Variants in NUBP1 observed in about 807,000 individuals in gnomAD.
NUBP1 encodes the protein NUBP iron-sulfur cluster assembly factor 1, cytosolic, also known as cytosolic Fe-S cluster assembly factor NUBP1.
Under a neutral mutation model 41.8 loss-of-function variants are expected in NUBP1, and 46 were observed. That is an observed-to-expected ratio of 1.10 (90% CI 0.87 to 1.41). The LOEUF is 1.41. Among genes scored for constraint, NUBP1 ranks in the 40% most tolerant of loss-of-function variants. The pLI is 0.00. For missense variants in NUBP1, 494 were observed against 414.0 expected (o/e 1.19, Z -1.68); for synonymous variants, 189 against 154.6 (o/e 1.22, Z -1.65).
At chr16:10,756,852 C>A in intron 6 of NUBP1, 72 bp downstream of exon 6, 1 of 1,219,336 alleles carries the variant, frequency 8.2e-7, no homozygotes, top group South Asian at 1.4e-5. Context: ...TTATCTGCTC[C>A]CTGTCCTGCC....
At chr16:10,755,791 G>T (rs753961809) in intron 5 of NUBP1, 38 bp downstream of exon 5, 4 of 1,598,576 alleles carry the variant, frequency 2.5e-6, no homozygotes, top group Non-Finnish European at 3.4e-6. Flanking sequence ...TCACAGTAGT[G>T]TGTGGTTGTG....
chr16:10,752,665 T>C lies in NUBP1; in HGVS notation c.314T>C (p.Leu105Ser). The change falls in exon 4 of 11, where the codon TTG (leucine) becomes TCG (serine). Residue 105 changes from leucine (L) to serine (S), a missense_variant. By Grantham distance (145) the Leu-to-Ser change is moderately radical. Transcript: ENST00000283027. ...CGPSIPKIMGLEGEQVHQSGS... is the reference protein window; with the variant it reads ...CGPSIPKIMGSEGEQVHQSGS... ...CCATCGATTCCCAAGATAATGGGAT[T>C]GGAAGGAGAGCAGGTAATAGCCGGT... 6.2e-7 allele frequency: 1 copy of C among 1,613,812 alleles called. No homozygotes were observed. The highest frequency in any genetic ancestry group is 2.2e-5 in the East Asian group (1 of 44,878).
chr16:10,753,751 C>A (rs1006331200), intron 4 of NUBP1, among the ~76,000 whole-genome samples: 3 of 151,800 alleles, frequency 2.0e-5, no homozygotes, highest in African/African-American at 7.3e-5. Flanking sequence ...AAGGTGCCCT[C>A]ACTGAGGGAT....
At chr16:10,756,377 C>CA (rs200071189) in intron 5 of NUBP1, among the ~76,000 whole-genome samples, 1 of 144,800 alleles carries the variant, frequency 6.9e-6, no homozygotes, top group African/African-American at 2.7e-5. Flanking sequence ...GACTTCATCT[C>CA]AAAAAAATGA....
At chr16:10,758,142 G>A (rs1035174156) in intron 7 of NUBP1, 115 bp downstream of exon 7, 29 of 1,214,666 alleles carry the variant, frequency 2.4e-5, no homozygotes, top group South Asian at 5.6e-5. Context: ...TGTGTGTTCC[G>A]CAGCTGCATC....
At chr16:10,744,189 C>T (rs1053188923) in intron 2 of NUBP1, 124 bp downstream of exon 2, 1 of 896,184 alleles carries the variant, frequency 1.1e-6, no homozygotes, top group African/African-American at 1.8e-5. Flanking sequence ...GTATTGTATT[C>T]GGAGAGGGGT....
intron 9 of NUBP1, among the ~76,000 whole-genome samples, chr16:10,762,651 G>A (rs2030135781): frequency 6.6e-6 from 1 of 152,236 alleles, no homozygotes; most frequent in Non-Finnish European, 1.5e-5. Flanking sequence ...GAGAAGGCTG[G>A]AGGGGAGGCC....
In NUBP1 at chr16:10,767,727, G is replaced by C. The variant is rs1390693162; in HGVS notation, c.821-222G>C. Reference sequence around the variant, plus strand: ...TAGGGCCCTGGAACCTGCATTTTCTGTACACCACCTGATTATTTAGCCACG... The same window carrying C: ...TAGGGCCCTGGAACCTGCATTTTCTCTACACCACCTGATTATTTAGCCACG... On this transcript the variant is annotated intron_variant, in intron 9 of 10. Transcript: ENST00000283027. The surrounding 1 kb of genome is among the most constrained non-coding windows in gnomAD (Gnocchi z 4.6). 4 of 576,444 alleles carry C rather than the reference G, an allele frequency of 6.9e-6. No homozygotes were observed. The highest frequency in any genetic ancestry group is 2.1e-5 in the South Asian group (1 of 48,702). 35.7% of individuals were successfully genotyped at this position (576,444 alleles called of 1,614,324 possible).
intron 2 of NUBP1, among the ~76,000 whole-genome samples, chr16:10,745,392 T>C (rs577853929): frequency 6.6e-6 from 1 of 151,682 alleles, no homozygotes; most frequent in African/African-American, 2.4e-5. Flanking sequence ...GAGGTGGAGG[T>C]TGCAGTGAGC....
rs1900216802 is a variant in NUBP1, at chr16:10,749,422, G to A, written c.258+2146G>A. 6.6e-6 allele frequency among the ~76,000 whole-genome samples: 1 copy of A among 152,156 alleles called. No individual in the cohort carries two copies. Among genetic ancestry groups the A allele is most frequent in the South Asian group, 2.1e-4 (1 of 4,828 alleles). ...CTTCACTTTCATGTAATTACGTTCTGAAGTCTTTGCTGCATGCCTGTCTAG... is the reference window on the plus strand; with the variant it reads ...CTTCACTTTCATGTAATTACGTTCTAAAGTCTTTGCTGCATGCCTGTCTAG... On this transcript the variant is annotated intron_variant, in intron 3 of 10. Coordinates refer to ENST00000283027, the MANE Select transcript of NUBP1 (RefSeq NM_002484.4). This position sits in a 1 kb window ranked among gnomAD's most constrained non-coding sequence, Gnocchi z 4.1.
chr16:10,759,676 T>C lies in NUBP1; in HGVS notation c.606+1649T>C, dbSNP rs192983537. 6.6e-6 allele frequency among the ~76,000 whole-genome samples: 1 copy of C among 152,224 alleles called. No homozygotes were observed. Among genetic ancestry groups the C allele is most frequent in the East Asian group, 1.9e-4 (1 of 5,166 alleles). On this transcript the variant is annotated intron_variant, in intron 7 of 10. Coordinates refer to ENST00000283027, the MANE Select transcript of NUBP1 (RefSeq NM_002484.4). The surrounding 1 kb of genome is among the most constrained non-coding windows in gnomAD (Gnocchi z 4.7). ...CTGTAATCCCAGCTACTTGGGAGGC[T>C]GAGGTGGGAGAAGTGCTTGAATCCA...
rs1900228825 is a variant in NUBP1, at chr16:10,749,664, C to T, written c.258+2388C>T. On this transcript the variant is annotated intron_variant, in intron 3 of 10. Transcript: ENST00000283027. This position sits in a 1 kb window ranked among gnomAD's most constrained non-coding sequence, Gnocchi z 4.1. Reference sequence around the variant, plus strand: ...ATATGTCTTGATTAAAGTCAAGCAGCACAGATTTCTCCCTGCCCTAAATCC... The same window carrying T: ...ATATGTCTTGATTAAAGTCAAGCAGTACAGATTTCTCCCTGCCCTAAATCC... Among the ~76,000 whole-genome samples the T allele has an allele frequency of 6.6e-6, 1 of 152,230 alleles. No individual in the cohort carries two copies. The highest frequency in any genetic ancestry group is 2.4e-5 in the African/African-American group (1 of 41,444).
At chr16:10,753,639 C>A (rs1242520337) in intron 4 of NUBP1, among the ~76,000 whole-genome samples, 3 of 152,030 alleles carry the variant, frequency 2.0e-5, no homozygotes, top group East Asian at 1.9e-4. Flanking sequence ...TCCATGAAGA[C>A]CCCTGTCTGG....
Position 10,766,856 on chromosome 16 carries a change from G to A in NUBP1, c.821-1093G>A, listed in dbSNP as rs550677303. 320 of 398,194 alleles carry A rather than the reference G, an allele frequency of 8.0e-4. No homozygotes were observed. The highest frequency in any genetic ancestry group is 6.2e-3 in the African/African-American group (303 of 48,720). 24.7% of individuals were successfully genotyped at this position (398,194 alleles called of 1,614,324 possible). A position where few individuals can be genotyped will look rare whatever the true frequency, so the allele number is the denominator to read the frequency against. ...GAAGTAAAGTTACAAAGTCATTTAC[G>A]GCATACGTCCTATGGAGAGGACATT... On this transcript the variant is annotated intron_variant, in intron 9 of 10. Coordinates refer to ENST00000283027, the MANE Select transcript of NUBP1 (RefSeq NM_002484.4). The surrounding 1 kb of genome is among the most constrained non-coding windows in gnomAD (Gnocchi z 4.8).
At chr16:10,758,262 C>T (rs1247602131) in intron 7 of NUBP1, among the ~76,000 whole-genome samples, 1 of 152,078 alleles carries the variant, frequency 6.6e-6, no homozygotes, top group African/African-American at 2.4e-5. Flanking sequence ...CTTGAGCCCA[C>T]GAGTTCGGGA....
rs375361776 is a variant in NUBP1, at chr16:10,756,677, G to T, written c.361-13G>T. ...GTAAAGCGTGTCTTGCCCTCACCCT[G>T]TTCCCTCTGCAGTACGTGGAAGACA... On this transcript the variant is annotated splice_polypyrimidine_tract_variant and intron_variant, in intron 5 of 10. Coordinates refer to ENST00000283027, the MANE Select transcript of NUBP1 (RefSeq NM_002484.4). 2 of 1,543,144 alleles carry T rather than the reference G, an allele frequency of 1.3e-6. No individual in the cohort carries two copies. The highest frequency in any genetic ancestry group is 1.7e-6 in the Non-Finnish European group (2 of 1,153,396).
intron 3 of NUBP1, among the ~76,000 whole-genome samples, chr16:10,748,277 C>T (rs1900153200): frequency 1.3e-5 from 2 of 152,100 alleles, no homozygotes; most frequent in Admixed American, 1.3e-4. Context: ...AAATTAGTAC[C>T]TAAGTACCTA....
intron 8 of NUBP1, 105 bp downstream of exon 8, chr16:10,761,579 G>T (rs1242018211): frequency 9.0e-7 from 1 of 1,106,470 alleles, no homozygotes; most frequent in Non-Finnish European, 1.3e-6. Context: ...CTGTCATTTT[G>T]GGAAGTGGAA....
Position 10,743,862 on chromosome 16 carries a change from G to C in NUBP1, c.-2G>C. The C allele has an allele frequency of 6.4e-7, 1 of 1,564,376 alleles. No homozygotes were observed. The highest frequency in any genetic ancestry group is 8.7e-7 in the Non-Finnish European group (1 of 1,155,054). The stretch of plus-strand genomic sequence containing the variant: ...GACCACGAAGGCGGCAAAGGCGACG[G>C]AATGGAGGAGGTGCCTCACGGTAAG... On this transcript the variant is annotated 5_prime_UTR_variant, in exon 1 of 11. Transcript: ENST00000283027.
Sources: allele counts gnomAD v4.1 joint callset (sites outside exome capture counted in the v4.1 genomes callset), GRCh38; gene constraint gnomAD v4.1.1; non-coding constraint Gnocchi (gnomAD v3.1); transcripts MANE v1.5; gene names NCBI Gene and HGNC (gene_info 2026-07-23, HGNC 2026-07-21).